DIAPH3: variants seen among roughly 807,000 people sequenced by gnomAD.
The protein encoded by DIAPH3 is diaphanous related formin 3.
DIAPH3 carries 117 observed loss-of-function variants against 144.3 expected under a neutral mutation model. The ratio of observed to expected loss-of-function variants is 0.81; its 90% CI spans 0.70 to 0.95. The LOEUF (loss-of-function observed/expected upper bound fraction) is 0.95. Among genes scored for constraint, DIAPH3 ranks in the 40% least tolerant of loss-of-function variants. The pLI is 0.00. For synonymous variants in DIAPH3, 519 were observed against 488.9 expected (o/e 1.06, Z -0.81); for missense variants, 1,421 against 1,412.7 (o/e 1.01, Z -0.09).
chr13:59,902,905 A>C (rs566824478), intron 20 of DIAPH3, among the ~76,000 whole-genome samples: 1 of 152,232 alleles, frequency 6.6e-6, no homozygotes, highest in Non-Finnish European at 1.5e-5. Flanking sequence ...TTTCAAACCA[A>C]TGTTCTCACT....
At chr13:59,828,741 T>C (rs552673803) in intron 24 of DIAPH3, among the ~76,000 whole-genome samples, 73 of 151,954 alleles carry the variant, frequency 4.8e-4, no homozygotes, top group Admixed American at 1.1e-3. Context: ...TTTGGTTTTG[T>C]TCTGTTGATC....
At chr13:60,119,611 G>C (rs1316230050) in intron 2 of DIAPH3, among the ~76,000 whole-genome samples, 2 of 150,248 alleles carry the variant, frequency 1.3e-5, no homozygotes, top group Admixed American at 1.3e-4. Flanking sequence ...GCCGGGCGTA[G>C]TGGCGGGCGC....
At chr13:59,976,251 CAATTCCAG>C (rs1234750386) in intron 14 of DIAPH3, among the ~76,000 whole-genome samples, 1 of 151,922 alleles carries the variant, frequency 6.6e-6, no homozygotes, top group Non-Finnish European at 1.5e-5. Context: ...TACCAAATTC[CAATTCCAG>C]AAGTCCAAAT....
intron 27 of DIAPH3, among the ~76,000 whole-genome samples, chr13:59,747,500 T>C (rs2036765104): frequency 6.6e-6 from 1 of 152,166 alleles, no homozygotes. Context: ...ATGAGTGGTT[T>C]AAGTAAGGGT....
chr13:59,946,434 T>A (rs1458816266), intron 17 of DIAPH3, among the ~76,000 whole-genome samples: 1 of 152,202 alleles, frequency 6.6e-6, no homozygotes, highest in Admixed American at 6.5e-5. Context: ...ATTCTTTACA[T>A]TGTTCATTTC....
At chr13:59,948,512 G>A (rs2048917137) in intron 17 of DIAPH3, among the ~76,000 whole-genome samples, 4 of 152,154 alleles carry the variant, frequency 2.6e-5, no homozygotes, top group African/African-American at 4.8e-5. Context: ...GTGCAGTGGT[G>A]TGATCATAGC....
At chr13:60,057,467 T>G (rs1184407293) in intron 4 of DIAPH3, among the ~76,000 whole-genome samples, 2 of 152,042 alleles carry the variant, frequency 1.3e-5, no homozygotes, top group Non-Finnish European at 2.9e-5. Flanking sequence ...ATGACCATAC[T>G]ACCTAAAGCA....
intron 17 of DIAPH3, among the ~76,000 whole-genome samples, chr13:59,927,601 T>C (rs1247936770): frequency 6.6e-6 from 1 of 152,166 alleles, no homozygotes; most frequent in East Asian, 1.9e-4. Context: ...CAGTGTTTGA[T>C]TGGCTGGGAA....
chr13:60,011,335 T>G (rs557570093), intron 7 of DIAPH3, among the ~76,000 whole-genome samples: 1 of 152,280 alleles, frequency 6.6e-6, no homozygotes, highest in East Asian at 1.9e-4. Context: ...ACTGAGGCCA[T>G]GAAAATCTTT....
At chr13:59,668,662 C>T (rs1185861386) in intron 27 of DIAPH3, among the ~76,000 whole-genome samples, 2 of 152,100 alleles carry the variant, frequency 1.3e-5, no homozygotes, top group African/African-American at 4.8e-5. Flanking sequence ...TATTTCCATA[C>T]TCTGTGACAC....
chr13:60,154,406 A>G (rs903732154), intron 1 of DIAPH3, among the ~76,000 whole-genome samples: 1 of 152,144 alleles, frequency 6.6e-6, no homozygotes, highest in African/African-American at 2.4e-5. Flanking sequence ...CTGGGATTCA[A>G]CCCCTGAGAG....
intron 16 of DIAPH3, among the ~76,000 whole-genome samples, chr13:59,970,631 T>A (rs570340639): frequency 6.6e-6 from 1 of 152,226 alleles, no homozygotes; most frequent in East Asian, 1.9e-4. Flanking sequence ...CTCACTGTAT[T>A]TATAAAGCAG....
chr13:59,784,218 G>T (rs530801157), intron 25 of DIAPH3, among the ~76,000 whole-genome samples: 1 of 151,944 alleles, frequency 6.6e-6, no homozygotes, highest in African/African-American at 2.4e-5. Flanking sequence ...GAGTAGCTGG[G>T]ACTACAGGTG....
At chr13:59,818,577 A>C (rs1338762755) in intron 24 of DIAPH3, among the ~76,000 whole-genome samples, 1 of 151,514 alleles carries the variant, frequency 6.6e-6, no homozygotes, top group East Asian at 1.9e-4. Context: ...TGTATTTCCT[A>C]TTCTATGGAT....
intron 20 of DIAPH3, among the ~76,000 whole-genome samples, chr13:59,898,805 T>C (rs1340029416): frequency 6.6e-6 from 1 of 152,096 alleles, no homozygotes; most frequent in African/African-American, 2.4e-5. Flanking sequence ...AGTGTCAACT[T>C]GTTTGGATTG....
chr13:59,733,353 TA>T (rs1405763688), intron 27 of DIAPH3, among the ~76,000 whole-genome samples: 4 of 152,156 alleles, frequency 2.6e-5, no homozygotes, highest in African/African-American at 9.7e-5. Context: ...TTAATTTCCG[TA>T]AAATCTTTCA....
intron 17 of DIAPH3, among the ~76,000 whole-genome samples, chr13:59,957,550 T>A (rs1476913142): frequency 1.3e-5 from 2 of 152,176 alleles, no homozygotes; most frequent in African/African-American, 2.4e-5. Context: ...ATGTCTTTAT[T>A]AGCAGCATGA....
At chr13:60,140,787 T>G (rs1486588308) in intron 1 of DIAPH3, among the ~76,000 whole-genome samples, 3 of 151,648 alleles carry the variant, frequency 2.0e-5, no homozygotes, top group Non-Finnish European at 4.4e-5. Flanking sequence ...CAAATAAAAA[T>G]GTATGTATTA....
At chr13:59,705,821 C>T (rs942547691) in intron 27 of DIAPH3, among the ~76,000 whole-genome samples, 3 of 152,108 alleles carry the variant, frequency 2.0e-5, no homozygotes, top group African/African-American at 7.2e-5. Flanking sequence ...ATTGAGATTT[C>T]TCAAATCCTG....
Sources: allele counts gnomAD v4.1 joint callset (sites outside exome capture counted in the v4.1 genomes callset), GRCh38; gene constraint gnomAD v4.1.1; transcripts MANE v1.5; gene names NCBI Gene and HGNC (gene_info 2026-07-23, HGNC 2026-07-21).